Variants in FMN2 observed in about 807,000 individuals in gnomAD.
The protein encoded by FMN2 is formin 2, also known as formin-2.
In FMN2, 51 loss-of-function variants were observed where a neutral mutation model predicts 142.3. The observed-to-expected ratio is 0.36, with a 90% CI of 0.29 to 0.45. FMN2 has a LOEUF of 0.45. Among genes scored for constraint, FMN2 ranks in the 20% least tolerant of loss-of-function variants. The probability of loss-of-function intolerance (pLI) is 1.00; values close to 1 mark genes in which losing one functional copy is unlikely to be tolerated. For synonymous variants in FMN2, 882 were observed against 869.8 expected (o/e 1.01, Z -0.25); for missense variants, 1,936 against 2,122.8 (o/e 0.91, Z 1.73).
Position 240,463,875 on chromosome 1 carries a change from C to T in FMN2, c.5061-8497C>T, listed in dbSNP as rs140459787. Among the ~76,000 whole-genome samples the T allele has an allele frequency of 2.2e-4, 33 of 151,992 alleles. 1 individual carries two copies. The highest frequency in any genetic ancestry group is 3.8e-4 in the Non-Finnish European group (26 of 67,962). On this transcript the variant is annotated intron_variant, in intron 16 of 17. Coordinates refer to ENST00000319653, the MANE Select transcript of FMN2 (RefSeq NM_020066.5). Reference sequence around the variant, plus strand: ...AAAATTAGCCAGGCATGGTGGGGCACGCCTGTGCTCCCAGCTACTCGGGAG... The same window carrying T: ...AAAATTAGCCAGGCATGGTGGGGCATGCCTGTGCTCCCAGCTACTCGGGAG...
chr1:240,209,158 T>A (rs2103397349), intron 5 of FMN2, among the ~76,000 whole-genome samples: 1 of 152,284 alleles, frequency 6.6e-6, no homozygotes, highest in South Asian at 2.1e-4. Context: ...GCGAAATTAT[T>A]TTCCATGTAA....
intron 16 of FMN2, among the ~76,000 whole-genome samples, chr1:240,468,923 TCCAGGGACACATTCTTTTTTC>T (rs1676721788): frequency 6.6e-6 from 1 of 152,182 alleles, no homozygotes; most frequent in African/African-American, 2.4e-5. Context: ...ATAGTCGACC[TCCAGGGACACATTCTTTTTTC>T]CTGCCGAAAG....
intron 4 of FMN2, among the ~76,000 whole-genome samples, chr1:240,193,430 A>G (rs1024336267): frequency 2.0e-5 from 3 of 152,252 alleles, no homozygotes; most frequent in African/African-American, 7.2e-5. Context: ...CTTAACAAAA[A>G]GGGTGAAGGT....
At chr1:240,265,290 C>A (rs929860336) in intron 7 of FMN2, among the ~76,000 whole-genome samples, 1 of 152,046 alleles carries the variant, frequency 6.6e-6, no homozygotes, top group Admixed American at 6.6e-5. Flanking sequence ...GGATAAAATT[C>A]TTTTAACAAA....
At chr1:240,414,969 A>C (rs2103131411) in intron 15 of FMN2, among the ~76,000 whole-genome samples, 1 of 152,342 alleles carries the variant, frequency 6.6e-6, no homozygotes, top group South Asian at 2.1e-4. Context: ...ATTTGAGAAT[A>C]AATGTCTGAC....
chr1:240,304,833 C>G (rs549074592), intron 8 of FMN2, among the ~76,000 whole-genome samples: 4 of 152,134 alleles, frequency 2.6e-5, no homozygotes, highest in African/African-American at 4.8e-5. Flanking sequence ...GCCACAGGGC[C>G]GGGAGTGGGG....
At chr1:240,153,015 T>C (rs537172746) in intron 2 of FMN2, among the ~76,000 whole-genome samples, 2 of 152,322 alleles carry the variant, frequency 1.3e-5, no homozygotes, top group African/African-American at 4.8e-5. Context: ...AGAGTTTTGG[T>C]GAGGATCAGA....
chr1:240,464,876 C>T (rs1386346934), intron 16 of FMN2, among the ~76,000 whole-genome samples: 2 of 152,122 alleles, frequency 1.3e-5, no homozygotes, highest in Non-Finnish European at 2.9e-5. Flanking sequence ...ACTTTGTGCT[C>T]ATTCGAGTTG....
intron 14 of FMN2, among the ~76,000 whole-genome samples, chr1:240,378,004 G>A (rs1377088087): frequency 6.6e-6 from 1 of 151,910 alleles, no homozygotes; most frequent in Non-Finnish European, 1.5e-5. Context: ...GTTATAAAAT[G>A]TGTTTCCCCA....
In FMN2 at chr1:240,225,941, G is replaced by A. The variant is rs190952131; in HGVS notation, c.4065+14706G>A. Among the ~76,000 whole-genome samples the A allele has an allele frequency of 2.7e-3, 411 of 152,240 alleles. 3 individuals carry two copies. Among genetic ancestry groups the A allele is most frequent in the South Asian group, 0.027 (130 of 4,824 alleles). On this transcript the variant is annotated intron_variant, in intron 6 of 17. Transcript: ENST00000319653. Reference sequence around the variant, plus strand: ...TACTAGATGATTTAACGATCGATTAGTGGTGACAGAAGAAAATAATCAGCA... The same window carrying A: ...TACTAGATGATTTAACGATCGATTAATGGTGACAGAAGAAAATAATCAGCA...
intron 4 of FMN2, among the ~76,000 whole-genome samples, chr1:240,200,718 T>A (rs1257861515): frequency 6.6e-6 from 1 of 152,128 alleles, no homozygotes; most frequent in Non-Finnish European, 1.5e-5. Context: ...ATAGGGAGAA[T>A]GAAGATTCTA....
intron 7 of FMN2, among the ~76,000 whole-genome samples, chr1:240,288,001 T>A (rs1384457038): frequency 1.3e-5 from 2 of 152,168 alleles, no homozygotes; most frequent in African/African-American, 4.8e-5. Context: ...TAGAGTGAAG[T>A]TAGTTATTTA....
At chr1:240,346,952 G>A (rs1411457556) in intron 13 of FMN2, among the ~76,000 whole-genome samples, 1 of 152,140 alleles carries the variant, frequency 6.6e-6, no homozygotes, top group Non-Finnish European at 1.5e-5. Flanking sequence ...AAAACAATCT[G>A]AGAAACTGGC....
chr1:240,217,332 T>C (rs935604952), intron 6 of FMN2, among the ~76,000 whole-genome samples: 1 of 152,242 alleles, frequency 6.6e-6, no homozygotes, highest in Non-Finnish European at 1.5e-5. Context: ...ATAGAAGACA[T>C]GTTTTGTATT....
chr1:240,103,066 A>G (rs1661469188), intron 1 of FMN2, among the ~76,000 whole-genome samples: 1 of 151,814 alleles, frequency 6.6e-6, no homozygotes, highest in African/African-American at 2.4e-5. Flanking sequence ...GGGTTTCACC[A>G]TGTTGGCCAG....
chr1:240,240,677 T>A (rs1452707525), intron 6 of FMN2, among the ~76,000 whole-genome samples: 1 of 152,200 alleles, frequency 6.6e-6, no homozygotes, highest in East Asian at 1.9e-4. Context: ...ATTGTAAACT[T>A]TGATGCTTCT....
chr1:240,437,523 C>T (rs1015811984), intron 15 of FMN2, among the ~76,000 whole-genome samples: 14 of 151,940 alleles, frequency 9.2e-5, no homozygotes, highest in South Asian at 2.1e-4. Flanking sequence ...AGGATGGTCT[C>T]GATCTCCTGA....
intron 1 of FMN2, among the ~76,000 whole-genome samples, chr1:240,104,206 T>C (rs1661522135): frequency 6.7e-6 from 1 of 149,528 alleles, no homozygotes; most frequent in Admixed American, 6.7e-5. Context: ...ATATATAAGC[T>C]ATATATTATA....
intron 16 of FMN2, among the ~76,000 whole-genome samples, chr1:240,467,529 G>A (rs1395239510): frequency 2.0e-5 from 3 of 152,028 alleles, no homozygotes; most frequent in African/African-American, 7.2e-5. Context: ...GCCTCCCAAA[G>A]TGCTGGGATT....
Sources: gnomAD v4.1 joint callset for allele counts (sites outside exome capture counted in the v4.1 genomes callset) on GRCh38, gnomAD v4.1.1 for gene constraint, MANE v1.5 for transcripts, NCBI Gene and HGNC (gene_info 2026-07-23, HGNC 2026-07-21) for gene names.